The following MOCS1 variants were observed in gnomAD, a reference collection of about 807,000 sequenced individuals.
The protein encoded by MOCS1 is molybdenum cofactor synthesis 1.
In MOCS1, 39 loss-of-function variants were observed where a neutral mutation model predicts 57.6. The observed-to-expected ratio is 0.68, with a 90% CI of 0.52 to 0.88. MOCS1 has a LOEUF of 0.88. MOCS1 is among the 40% of genes least tolerant of loss of function. The pLI, the probability that MOCS1 is intolerant of heterozygous loss-of-function variation, is 0.00. For synonymous variants in MOCS1, 334 were observed against 335.7 expected, an observed-to-expected ratio of 1.00 and a Z score of 0.05; for missense variants, 795 against 831.1, an observed-to-expected ratio of 0.96 and a Z score of 0.53.
At position 39,906,355 on chromosome 6, in the gene MOCS1, T is replaced by C. The variant is rs767003803; in HGVS notation, c.*2A>G. 17 of 1,596,542 alleles carry C rather than the reference T, an allele frequency of 1.1e-5. No homozygotes were observed. The Admixed American group carries it at 2.9e-4, about 27-fold the overall frequency. On this transcript the variant is annotated 3_prime_UTR_variant, in exon 11 of 11. Coordinates refer to ENST00000340692, the MANE Select transcript of MOCS1 (RefSeq NM_001358530.2). The stretch of plus-strand genomic sequence containing the variant: ...GTGGGCCATGGGTGAGAAGGGCAGG[T>C]GCTAAGCCCGATGGAAGTCCCCCCG...
Position 39,904,283 on chromosome 6 carries a change from T to C in MOCS1, c.*2074A>G, listed in dbSNP as rs527715928. ...TCACTCTAAAAGAAAGATATTTTTC[T>C]ATTTATTTTCTACATCTGGCCAGTG... On this transcript the variant is annotated 3_prime_UTR_variant, in exon 11 of 11. Coordinates refer to ENST00000340692, the MANE Select transcript of MOCS1 (RefSeq NM_001358530.2). 1.5e-5 allele frequency: 7 copies of C among 456,752 alleles called. No individual in the cohort carries two copies. In the East Asian group the frequency reaches 2.8e-4, roughly 18 times the overall value. 28.3% of individuals were successfully genotyped at this position (456,752 alleles called of 1,614,324 possible). A position where few individuals can be genotyped will look rare whatever the true frequency, so the allele number is the denominator to read the frequency against.
chr6:39,926,257 T>C (rs905667628), intron 2 of MOCS1, among the ~76,000 whole-genome samples: 11 of 152,184 alleles, frequency 7.2e-5, no homozygotes, highest in Non-Finnish European at 1.5e-4. Flanking sequence ...TTTCTCTCTG[T>C]GTGTCATGGG....
chr6:39,909,959 C>T lies in MOCS1; in HGVS notation c.982-4G>A, dbSNP rs2149400474. The T allele has an allele frequency of 6.2e-7, 1 of 1,613,166 alleles. No homozygotes were observed. Among genetic ancestry groups the T allele is most frequent in the Non-Finnish European group, 8.5e-7 (1 of 1,179,994 alleles). The stretch of plus-strand genomic sequence containing the variant: ...CAGAGTTTCCAAAGAGGCAGACCTA[C>T]ATGTGGGTGAGGACAATATGCCTTC... On this transcript the variant is annotated splice_region_variant and splice_polypyrimidine_tract_variant and intron_variant, in intron 8 of 10. Transcript: ENST00000340692.
chr6:39,911,945 G>T (rs565901310), intron 8 of MOCS1, among the ~76,000 whole-genome samples: 21 of 152,294 alleles, frequency 1.4e-4, no homozygotes, highest in Middle Eastern at 3.4e-3. Context: ...GGTGGAAGGG[G>T]CTAACCATGG....
Position 39,906,221 on chromosome 6 carries a change from G to A in MOCS1, c.*136C>T, listed in dbSNP as rs780775165. 2 of 1,070,060 alleles carry A rather than the reference G, an allele frequency of 1.9e-6. No homozygotes were observed. The highest frequency in any genetic ancestry group is 3.1e-5 in the African/African-American group (2 of 64,610). 66.3% of individuals were successfully genotyped at this position (1,070,060 alleles called of 1,614,324 possible). ...GCAGCAGGCCTGTTTGTTAGTAGTAGAGCAGGCTGACTTCGGGTTTACTGC... is the reference window on the plus strand; with the variant it reads ...GCAGCAGGCCTGTTTGTTAGTAGTAAAGCAGGCTGACTTCGGGTTTACTGC... On this transcript the variant is annotated 3_prime_UTR_variant, in exon 11 of 11. Coordinates refer to ENST00000340692, the MANE Select transcript of MOCS1 (RefSeq NM_001358530.2).
In MOCS1 at chr6:39,927,529, G is replaced by T. The variant is rs751776587; in HGVS notation, c.124-74C>A. The T allele has an allele frequency of 7.4e-6, 12 of 1,611,194 alleles. No homozygotes were observed. The highest frequency in any genetic ancestry group is 1.0e-5 in the Non-Finnish European group (12 of 1,179,048). On this transcript the variant is annotated intron_variant, in intron 1 of 10. Transcript: ENST00000340692. ...GGAAGAGGCACAAGGAGAACCGCCTGCCCCCTCCCTTACTCTGACATCTGT... is the reference window on the plus strand; with the variant it reads ...GGAAGAGGCACAAGGAGAACCGCCTTCCCCCTCCCTTACTCTGACATCTGT...
In MOCS1 at chr6:39,905,144, A is replaced by AAGAC. The variant is rs1766781516; in HGVS notation, c.*1209_*1212dup. The AAGAC allele has an allele frequency of 2.2e-6, 1 of 454,492 alleles. No homozygotes were observed. Among genetic ancestry groups the AAGAC allele is most frequent in the Non-Finnish European group, 4.4e-6 (1 of 226,926 alleles). The allele number at this position is 454,492 out of a possible 1,614,324, so 28.2% of individuals were successfully genotyped here. A position where few individuals can be genotyped will look rare whatever the true frequency, so the allele number is the denominator to read the frequency against. On this transcript the variant is annotated 3_prime_UTR_variant, in exon 11 of 11. Transcript: ENST00000340692. The stretch of plus-strand genomic sequence containing the variant: ...GGCAGGGGGCACCACTGAGGACTCA[A>AAGAC]AGACATCCAAGTTAGAGAGCCCAGC...
At chr6:39,922,139 C>G (rs975324597) in intron 3 of MOCS1, among the ~76,000 whole-genome samples, 3 of 152,216 alleles carry the variant, frequency 2.0e-5, no homozygotes, top group African/African-American at 4.8e-5. Context: ...CTGTCCAACA[C>G]AGCAGCTGCT....
In MOCS1 at chr6:39,927,554, T is replaced by A; in HGVS notation, c.124-99A>T. On this transcript the variant is annotated intron_variant, in intron 1 of 10. Coordinates refer to ENST00000340692, the MANE Select transcript of MOCS1 (RefSeq NM_001358530.2). ...GCCCCCTCCCTTACTCTGACATCTG[T>A]GCGGAGCTTCCAACTCTTCCACATG... 6.2e-7 allele frequency: 1 copy of A among 1,610,912 alleles called. No individual in the cohort carries two copies. The highest frequency in any genetic ancestry group is 8.5e-7 in the Non-Finnish European group (1 of 1,179,452).
intron 3 of MOCS1, among the ~76,000 whole-genome samples, chr6:39,923,975 C>T (rs2504114): frequency 0.44 from 67,370 of 151,996 alleles, 15,165 homozygotes; most frequent in Middle Eastern, 0.52. Flanking sequence ...AGCTGAGGGG[C>T]GGGGGGTCCT....
In MOCS1 at chr6:39,905,266, C is replaced by T. The variant is rs1766797555; in HGVS notation, c.*1091G>A. Reference sequence around the variant, plus strand: ...AATAGCTGGTAATGCAAGCAATGAGCTTTGAACACCCCTGGCCACCACCTG... The same window carrying T: ...AATAGCTGGTAATGCAAGCAATGAGTTTTGAACACCCCTGGCCACCACCTG... On this transcript the variant is annotated 3_prime_UTR_variant, in exon 11 of 11. Coordinates refer to ENST00000340692, the MANE Select transcript of MOCS1 (RefSeq NM_001358530.2). The T allele has an allele frequency of 2.2e-6, 1 of 454,480 alleles. No homozygotes were observed. Among genetic ancestry groups the T allele is most frequent in the South Asian group, 1.6e-5 (1 of 64,486 alleles). The allele number at this position is 454,480 out of a possible 1,614,324, so 28.2% of individuals were successfully genotyped here. A position where few individuals can be genotyped will look rare whatever the true frequency, so the allele number is the denominator to read the frequency against.
intron 3 of MOCS1, 101 bp from the exon 4 acceptor site, chr6:39,916,333 GAA>G (rs1382710966): frequency 1.4e-6 from 2 of 1,420,838 alleles, no homozygotes; most frequent in Non-Finnish European, 1.9e-6. Context: ...AAGATGGATG[GAA>G]AAGAGGCTCT....
At chr6:39,908,488 C>T (rs1012923842) in intron 10 of MOCS1, among the ~76,000 whole-genome samples, 10 of 152,202 alleles carry the variant, frequency 6.6e-5, no homozygotes, top group Admixed American at 2.0e-4. Flanking sequence ...CACGATGATA[C>T]ATCCTATGCA....
rs770594414 is a variant in MOCS1 at position 39,912,253 on chromosome 6, G to A, written c.981+11C>T. On this transcript the variant is annotated intron_variant, in intron 8 of 10. Transcript: ENST00000340692. ...GTGGCAAGGGGTCCCTGTGGAGGAG[G>A]GGATGCTCACCTTGAGGTTCCCATC... 2 of 1,593,092 alleles carry A rather than the reference G, an allele frequency of 1.3e-6. No individual in the cohort carries two copies. The highest frequency in any genetic ancestry group is 1.3e-5 in the African/African-American group (1 of 74,444).
intron 1 of MOCS1, among the ~76,000 whole-genome samples, chr6:39,929,680 C>T (rs1218254274): frequency 1.3e-5 from 2 of 151,976 alleles, no homozygotes; most frequent in Non-Finnish European, 2.9e-5. Context: ...GTGGTTCACG[C>T]CTGGAATCCC....
At position 39,934,405 on chromosome 6, in the gene MOCS1, G is replaced by T; in HGVS notation, c.13C>A (p.Pro5Thr). ...AGCCGCCGCAGCATCCGGGACAGTG[G>T]CCGCGCCGCCATGAAGCCTGATACG... MAARPLSRMLRRLLR... is the reference protein window; with the variant it reads MAARTLSRMLRRLLR... The change falls in exon 1 of 11, where the codon CCA (proline) becomes ACA (threonine). Residue 5 changes from proline (P) to threonine (T), a missense_variant. By Grantham distance (38) the Pro-to-Thr change is conservative. This residue lies in a region of MOCS1 where 416 missense variants were observed against 392.4 expected (regional missense o/e 1.06). Transcript: ENST00000340692. The T allele has an allele frequency of 6.4e-7, 1 of 1,565,944 alleles. No homozygotes were observed. Among genetic ancestry groups the T allele is most frequent in the South Asian group, 1.2e-5 (1 of 85,970 alleles).
intron 3 of MOCS1, among the ~76,000 whole-genome samples, chr6:39,923,936 C>T (rs1215303962): frequency 1.3e-5 from 2 of 152,198 alleles, no homozygotes; most frequent in East Asian, 1.9e-4. Context: ...TGCAAGAGGG[C>T]ACTCCAGCGA....
At chr6:39,927,807 T>C (rs1768422284) in intron 1 of MOCS1, 2 of 1,320,610 alleles carry the variant, frequency 1.5e-6, no homozygotes, top group African/African-American at 1.5e-5. Context: ...TGTGCACCCA[T>C]GGTCTCGGGC....
chr6:39,905,489 T>G lies in MOCS1; in HGVS notation c.*868A>C. 1 of 471,192 alleles carries G rather than the reference T, an allele frequency of 2.1e-6. No homozygotes were observed. Among genetic ancestry groups the G allele is most frequent in the Non-Finnish European group, 4.4e-6 (1 of 227,070 alleles). The allele number at this position is 471,192 out of a possible 1,614,324, so 29.2% of individuals were successfully genotyped here. Reference sequence around the variant, plus strand: ...TCCCTGTGAAACTGCAGCAGCTCAGTGCCCTACCCACACAGTGTCTTCATT... The same window carrying G: ...TCCCTGTGAAACTGCAGCAGCTCAGGGCCCTACCCACACAGTGTCTTCATT... On this transcript the variant is annotated 3_prime_UTR_variant, in exon 11 of 11. Coordinates refer to ENST00000340692, the MANE Select transcript of MOCS1 (RefSeq NM_001358530.2).
Sources: gnomAD v4.1 joint callset for allele counts (sites outside exome capture counted in the v4.1 genomes callset) on GRCh38, gnomAD v4.1.1 for gene constraint, gnomAD v4.1.1 regional missense constraint, MANE v1.5 for transcripts, NCBI Gene and HGNC (gene_info 2026-07-23, HGNC 2026-07-21) for gene names.